The following LAMA2 variants were observed in gnomAD, a reference collection of about 807,000 sequenced individuals.
LAMA2 encodes the protein laminin subunit alpha 2.
A neutral mutation model predicts 364.8 loss-of-function variants in LAMA2; 269 were observed. That is an observed-to-expected ratio of 0.74 (90% CI 0.67 to 0.82). The LOEUF (loss-of-function observed/expected upper bound fraction) is 0.82, where lower values mean the gene tolerates loss of function less well. LAMA2 is among the 40% of genes least tolerant of loss of function. The probability of loss-of-function intolerance (pLI) is 0.00; values close to 1 mark genes in which losing one functional copy is unlikely to be tolerated. For synonymous variants in LAMA2, 1,379 were observed against 1,370.6 expected (o/e 1.01, Z -0.14); for missense variants, 3,807 against 3,873.2 (o/e 0.98, Z 0.45).
chr6:129,420,065 T>C lies in LAMA2; in HGVS notation c.5866-7687T>C, dbSNP rs111449680. ...ATACAGAAAAGCAAGAAGAAGAAAATATAAAATGTGCATACGAGTAATTAC... is the reference window on the plus strand; with the variant it reads ...ATACAGAAAAGCAAGAAGAAGAAAACATAAAATGTGCATACGAGTAATTAC... On this transcript the variant is annotated intron_variant, in intron 40 of 64. Coordinates refer to ENST00000421865, the MANE Select transcript of LAMA2 (RefSeq NM_000426.4). 3.0e-4 allele frequency among the ~76,000 whole-genome samples: 46 copies of C among 152,092 alleles called. 1 individual carries two copies. Among genetic ancestry groups the C allele is most frequent in the African/African-American group, 1.0e-3 (43 of 41,492 alleles).
At chr6:129,031,815 A>ATTTCTTTTCT (rs59369709) in intron 1 of LAMA2, among the ~76,000 whole-genome samples, 18 of 150,536 alleles carry the variant, frequency 1.2e-4, no homozygotes, top group East Asian at 4.0e-4. Context: ...CCTGATATGA[A>ATTTCTTTTCT]TTTCTTTTCT....
intron 28 of LAMA2, 130 bp from the exon 29 acceptor site, chr6:129,328,148 T>C: frequency 1.2e-6 from 1 of 809,056 alleles, no homozygotes; most frequent in Non-Finnish European, 2.2e-6. Flanking sequence ...GGCACTTGCG[T>C]TTGTAAGTGA....
In LAMA2 at chr6:129,149,107, T is replaced by C. The variant is rs1338439439; in HGVS notation, c.1027+11T>C. ...AAACTGAATGTGAAGGTATGTTCTT[T>C]AGAAGCCAACAAAATATGTCATTCT... On this transcript the variant is annotated intron_variant, in intron 7 of 64. Transcript: ENST00000421865. The C allele has an allele frequency of 1.4e-6, 2 of 1,476,678 alleles. No individual in the cohort carries two copies. The highest frequency in any genetic ancestry group is 1.1e-5 in the South Asian group (1 of 88,240). The allele number at this position is 1,476,678 out of a possible 1,614,324, so 91.5% of individuals were successfully genotyped here.
At chr6:129,405,379 C>T (rs765818566) in intron 40 of LAMA2, among the ~76,000 whole-genome samples, 21 of 151,732 alleles carry the variant, frequency 1.4e-4, no homozygotes, top group Non-Finnish European at 2.5e-4. Context: ...TTAATTTTAC[C>T]CTAATTTAAT....
Position 129,391,662 on chromosome 6 carries a change from A to G in LAMA2, c.5234+9A>G, listed in dbSNP as rs752826027. On this transcript the variant is annotated intron_variant, in intron 36 of 64. Transcript: ENST00000421865. Reference sequence around the variant, plus strand: ...GCTGAAGATGAGTTGGTGTGAGTAGATGAGTTATTATTTTTTCTTTTGACA... The same window carrying G: ...GCTGAAGATGAGTTGGTGTGAGTAGGTGAGTTATTATTTTTTCTTTTGACA... The G allele has an allele frequency of 6.2e-7, 1 of 1,609,536 alleles. No individual in the cohort carries two copies. The highest frequency in any genetic ancestry group is 8.5e-7 in the Non-Finnish European group (1 of 1,176,402).
At chr6:129,511,399 T>C (rs1786562889) in intron 62 of LAMA2, among the ~76,000 whole-genome samples, 1 of 152,176 alleles carries the variant, frequency 6.6e-6, no homozygotes, top group Non-Finnish European at 1.5e-5. Context: ...TTTTTTCGTT[T>C]ATTTCCAGAA....
chr6:129,057,902 C>T (rs750876293), intron 2 of LAMA2, among the ~76,000 whole-genome samples: 2 of 151,734 alleles, frequency 1.3e-5, no homozygotes, highest in Non-Finnish European at 2.9e-5. Flanking sequence ...TCTAAAAGGT[C>T]ATTCATAAGC....
chr6:129,377,673 A>T (rs923149831), intron 34 of LAMA2, among the ~76,000 whole-genome samples: 3 of 152,232 alleles, frequency 2.0e-5, no homozygotes, highest in African/African-American at 7.2e-5. Flanking sequence ...AGGAAACCAT[A>T]TGAGTCCACA....
At chr6:128,922,222 C>T (rs1778784527) in intron 1 of LAMA2, among the ~76,000 whole-genome samples, 1 of 151,082 alleles carries the variant, frequency 6.6e-6, no homozygotes, top group Non-Finnish European at 1.5e-5. Flanking sequence ...GGTATATACC[C>T]AGTAATGGGA....
chr6:129,208,547 GAAGAGAAAGAAAGA>G (rs1393441923), intron 12 of LAMA2, among the ~76,000 whole-genome samples: 1 of 116,016 alleles, frequency 8.6e-6, no homozygotes, highest in Non-Finnish European at 1.6e-5. Flanking sequence ...GAAAGAAAAG[GAAGAGAAAGAAAGA>G]AAGAGAAAGA....
At chr6:129,427,414 A>G (rs559734823) in intron 40 of LAMA2, among the ~76,000 whole-genome samples, 12 of 152,278 alleles carry the variant, frequency 7.9e-5, no homozygotes, top group Admixed American at 1.3e-4. Flanking sequence ...GTTATCATGC[A>G]TCGAGTCACT....
chr6:129,247,988 A>C (rs1298936392), intron 12 of LAMA2, among the ~76,000 whole-genome samples: 1 of 151,808 alleles, frequency 6.6e-6, no homozygotes, highest in Non-Finnish European at 1.5e-5. Flanking sequence ...GGGATCCCCA[A>C]CTCCCGGGCT....
intron 4 of LAMA2, among the ~76,000 whole-genome samples, chr6:129,135,486 A>G (rs1777738638): frequency 6.6e-6 from 1 of 152,248 alleles, no homozygotes; most frequent in Admixed American, 6.5e-5. Flanking sequence ...CATACAGATC[A>G]CATGCAAGAG....
chr6:128,925,310 G>A (rs928086393), intron 1 of LAMA2, among the ~76,000 whole-genome samples: 8 of 152,166 alleles, frequency 5.3e-5, no homozygotes, highest in Non-Finnish European at 1.2e-4. Context: ...GCATGTATAC[G>A]ATGGAACATT....
At chr6:129,096,270 A>G (rs1451015346) in intron 3 of LAMA2, among the ~76,000 whole-genome samples, 1 of 152,218 alleles carries the variant, frequency 6.6e-6, no homozygotes, top group Non-Finnish European at 1.5e-5. Flanking sequence ...TGTTGTTCCT[A>G]CTTTTGCCCT....
intron 1 of LAMA2, among the ~76,000 whole-genome samples, chr6:128,911,564 T>C (rs1777957580): frequency 6.6e-6 from 1 of 152,136 alleles, no homozygotes; most frequent in Non-Finnish European, 1.5e-5. Context: ...ATGAACCCGG[T>C]ACCTCAGATG....
chr6:129,349,227 A>G, intron 30 of LAMA2, 71 bp from the exon 31 acceptor site: 2 of 1,188,354 alleles, frequency 1.7e-6, no homozygotes, highest in South Asian at 1.2e-5. Flanking sequence ...AACCTTGATC[A>G]TGGATAGGAA....
chr6:129,265,243 G>A (rs920076710), intron 15 of LAMA2, among the ~76,000 whole-genome samples: 1 of 152,148 alleles, frequency 6.6e-6, no homozygotes, highest in African/African-American at 2.4e-5. Context: ...TAGATCTCTG[G>A]ACTTGTTAGT....
At chr6:129,259,586 T>C (rs775462711) in intron 14 of LAMA2, among the ~76,000 whole-genome samples, 22 of 152,110 alleles carry the variant, frequency 1.4e-4, no homozygotes, top group Non-Finnish European at 2.8e-4. Context: ...TAGTGAAAAG[T>C]ATATTTCTTG....
Sources: allele counts gnomAD v4.1 joint callset (sites outside exome capture counted in the v4.1 genomes callset), GRCh38; gene constraint gnomAD v4.1.1; transcripts MANE v1.5; gene names NCBI Gene and HGNC (gene_info 2026-07-23, HGNC 2026-07-21).